Variants in PRICKLE2 observed in about 807,000 individuals in gnomAD.
PRICKLE2 encodes the protein prickle-like protein 2.
A neutral mutation model predicts 81.4 loss-of-function variants in PRICKLE2; 21 were observed. The observed-to-expected ratio is 0.26, with a 90% CI of 0.18 to 0.37. The LOEUF (loss-of-function observed/expected upper bound fraction) is 0.37, where lower values mean the gene tolerates loss of function less well. PRICKLE2 is among the 10% of genes least tolerant of loss of function. The pLI, the probability that PRICKLE2 is intolerant of heterozygous loss-of-function variation, is 1.00. For missense variants in PRICKLE2, 940 were observed against 1,109.0 expected (o/e 0.85, Z 2.16); for synonymous variants, 456 against 421.5 (o/e 1.08, Z -1.00).
chr3:64,189,746 C>T (rs867090331), intron 2 of PRICKLE2, among the ~76,000 whole-genome samples: 2 of 152,094 alleles, frequency 1.3e-5, no homozygotes, highest in Admixed American at 6.5e-5. Context: ...AGACAATGTC[C>T]GTCTCTAACA....
intron 2 of PRICKLE2, among the ~76,000 whole-genome samples, chr3:64,186,582 C>T (rs989286206): frequency 1.3e-5 from 2 of 152,188 alleles, no homozygotes; most frequent in Non-Finnish European, 2.9e-5. Context: ...CATATAAAGA[C>T]TGGTGTTGGA....
At chr3:64,224,362 T>G (rs2079001206) in intron 1 of PRICKLE2, among the ~76,000 whole-genome samples, 1 of 152,212 alleles carries the variant, frequency 6.6e-6, no homozygotes, top group African/African-American at 2.4e-5. Context: ...AAACCCAGCA[T>G]AGAGGGCAAA....
intron 1 of PRICKLE2, among the ~76,000 whole-genome samples, chr3:64,217,580 A>G (rs1418716171): frequency 6.6e-6 from 1 of 152,204 alleles, no homozygotes; most frequent in Non-Finnish European, 1.5e-5. Context: ...GGTGTTCAAT[A>G]CGTATTTACT....
At chr3:64,186,669 T>C (rs747119493) in intron 2 of PRICKLE2, among the ~76,000 whole-genome samples, 1 of 152,150 alleles carries the variant, frequency 6.6e-6, no homozygotes, top group Non-Finnish European at 1.5e-5. Context: ...CACATATGGG[T>C]ACTTAATAAA....
At chr3:64,182,954 G>A (rs2078160364) in intron 2 of PRICKLE2, among the ~76,000 whole-genome samples, 1 of 151,912 alleles carries the variant, frequency 6.6e-6, no homozygotes, top group Middle Eastern at 3.4e-3. Context: ...AAAATAAAGT[G>A]GTAGGAATGA....
At chr3:64,127,592 A>G (rs2077129154) in intron 7 of PRICKLE2, among the ~76,000 whole-genome samples, 1 of 152,072 alleles carries the variant, frequency 6.6e-6, no homozygotes. Flanking sequence ...GAACATTCAA[A>G]TCCTGATTAG....
chr3:64,125,973 A>C (rs1364262603), intron 7 of PRICKLE2, among the ~76,000 whole-genome samples: 1 of 151,726 alleles, frequency 6.6e-6, no homozygotes, highest in East Asian at 1.9e-4. Context: ...GTTTGTTTTT[A>C]GTTATCTATG....
At chr3:64,115,875 CA>C (rs2076926762) in intron 7 of PRICKLE2, among the ~76,000 whole-genome samples, 1 of 151,986 alleles carries the variant, frequency 6.6e-6, no homozygotes, top group African/African-American at 2.4e-5. Context: ...ACTCTCCACC[CA>C]AAAAAACAGA....
chr3:64,122,833 C>T (rs144475727), intron 7 of PRICKLE2, among the ~76,000 whole-genome samples: 1 of 152,246 alleles, frequency 6.6e-6, no homozygotes, highest in African/African-American at 2.4e-5. Flanking sequence ...TAGATGGTGA[C>T]CCAGCTCCCC....
At chr3:64,175,698 T>C (rs1004816478) in intron 2 of PRICKLE2, among the ~76,000 whole-genome samples, 3 of 152,342 alleles carry the variant, frequency 2.0e-5, no homozygotes, top group Admixed American at 6.5e-5. Context: ...AATCCAGGTA[T>C]TGCATTTTGA....
intron 1 of PRICKLE2, among the ~76,000 whole-genome samples, chr3:64,216,757 GC>G (rs1381549228): frequency 6.6e-6 from 1 of 152,168 alleles, no homozygotes; most frequent in Non-Finnish European, 1.5e-5. Flanking sequence ...CCTTTCAGAA[GC>G]CAGTCTAGCA....
chr3:64,231,780 A>G (rs573804289), intron 2 of PRICKLE2, among the ~76,000 whole-genome samples: 2 of 152,302 alleles, frequency 1.3e-5, no homozygotes, highest in South Asian at 4.1e-4. Context: ...CCATAAACCA[A>G]AAATGTAGCA....
chr3:64,195,550 A>G (rs988624698), intron 2 of PRICKLE2, among the ~76,000 whole-genome samples: 2 of 152,334 alleles, frequency 1.3e-5, no homozygotes, highest in African/African-American at 4.8e-5. Flanking sequence ...TACACTCACT[A>G]TAATTTCTCT....
intron 2 of PRICKLE2, among the ~76,000 whole-genome samples, chr3:64,197,045 A>G (rs1420769177): frequency 6.6e-6 from 1 of 152,228 alleles, no homozygotes; most frequent in Non-Finnish European, 1.5e-5. Context: ...TCAAAATTAG[A>G]AGAAAATGAG....
Position 64,098,992 on chromosome 3 carries a change from A to C in PRICKLE2, c.*59T>G. On this transcript the variant is annotated 3_prime_UTR_variant, in exon 8 of 8. Coordinates refer to ENST00000638394, the MANE Select transcript of PRICKLE2 (RefSeq NM_198859.4). Reference sequence around the variant, plus strand: ...AGCGCTTTAACATTTAAAACAGTGCAAGTTTCTGACTTTACATTCTTAGCT... The same window carrying C: ...AGCGCTTTAACATTTAAAACAGTGCCAGTTTCTGACTTTACATTCTTAGCT... The C allele has an allele frequency of 6.2e-7, 1 of 1,604,152 alleles. No individual in the cohort carries two copies. Among genetic ancestry groups the C allele is most frequent in the Non-Finnish European group, 8.5e-7 (1 of 1,171,458 alleles).
intron 7 of PRICKLE2, chr3:64,103,616 TGA>T (rs2076703538): frequency 6.6e-6 from 1 of 152,212 alleles, no homozygotes; most frequent in African/African-American, 2.4e-5. Flanking sequence ...AAAAATTCAC[TGA>T]GATGTAGTTT....
chr3:64,205,320 C>G (rs1444509371), intron 1 of PRICKLE2, among the ~76,000 whole-genome samples: 1 of 152,160 alleles, frequency 6.6e-6, no homozygotes, highest in Non-Finnish European at 1.5e-5. Context: ...TCTCAGCAGC[C>G]ATAATTAGCC....
rs970449959 is a variant in PRICKLE2 at position 64,149,570 on chromosome 3, C to T, written c.788-1868G>A. 5.3e-5 allele frequency among the ~76,000 whole-genome samples: 8 copies of T among 152,172 alleles called. No individual in the cohort carries two copies. In the South Asian group the frequency reaches 1.4e-3, roughly 28 times the overall value. Reference sequence around the variant, plus strand: ...CATTCTCCTGATGCGTAATGATACACGGCTTCCCAGAAAAAGGGACTAATG... The same window carrying T: ...CATTCTCCTGATGCGTAATGATACATGGCTTCCCAGAAAAAGGGACTAATG... On this transcript the variant is annotated intron_variant, in intron 6 of 7. Transcript: ENST00000638394.
In PRICKLE2 at chr3:64,099,647, C is replaced by T. The variant is rs1481512352; in HGVS notation, c.1939G>A (p.Gly647Arg). ...GGCAGCTTGCTGCCCGCCATCCCTC[C>T]ATCAAAATCAAAGCTCTGATGCATC... ...GRMHQSFDFD[G>R]GMAGSKLPGQ... is the part of the protein sequence containing the mutation. Residue 647 changes from glycine to arginine, a missense_variant, in exon 8 of 8, where the codon GGA becomes AGA. Physicochemically the swap from Gly to Arg is moderately radical, Grantham distance 125. This residue lies in a region of PRICKLE2 where 670 missense variants were observed against 717.2 expected (regional missense o/e 0.93). Coordinates refer to ENST00000638394, the MANE Select transcript of PRICKLE2 (RefSeq NM_198859.4). The surrounding 1 kb of genome is among the most constrained non-coding windows in gnomAD (Gnocchi z 4.3). 1 of 1,614,176 alleles carries T rather than the reference C, an allele frequency of 6.2e-7. No homozygotes were observed. The highest frequency in any genetic ancestry group is 8.5e-7 in the Non-Finnish European group (1 of 1,180,046).
Sources: gnomAD v4.1 joint callset for allele counts (sites outside exome capture counted in the v4.1 genomes callset) on GRCh38, gnomAD v4.1.1 for gene constraint, gnomAD v4.1.1 regional missense constraint, Gnocchi (gnomAD v3.1) non-coding constraint, MANE v1.5 for transcripts, NCBI Gene and HGNC (gene_info 2026-07-23, HGNC 2026-07-21) for gene names.